ACE: variants seen among roughly 807,000 people sequenced by gnomAD.
The protein encoded by ACE is angiotensin-converting enzyme.
Under a neutral mutation model 162.3 loss-of-function variants are expected in ACE, and 122 were observed. That is an observed-to-expected ratio of 0.75 (90% CI 0.65 to 0.87). The LOEUF (loss-of-function observed/expected upper bound fraction) is 0.87. Among genes scored for constraint, ACE ranks in the 40% least tolerant of loss-of-function variants. The pLI, the probability that ACE is intolerant of heterozygous loss-of-function variation, is 0.00. For missense variants in ACE, 1,799 were observed against 1,735.1 expected, an observed-to-expected ratio of 1.04 and a Z score of -0.65; for synonymous variants, 796 against 720.6, an observed-to-expected ratio of 1.10 and a Z score of -1.68.
At position 63,484,592 on chromosome 17, in the gene ACE, G is replaced by A. The variant is rs372819080; in HGVS notation, c.1921+51G>A. The A allele has an allele frequency of 6.4e-6, 10 of 1,559,502 alleles. No individual in the cohort carries two copies. The African/African-American group carries it at 1.4e-4, about 21-fold the overall frequency. ...GGGGCTAAGGTGGGTCCTCAACTCT[G>A]GGCTTGGCCCAGGCCCCAGGTTCCT... On this transcript the variant is annotated intron_variant, in intron 12 of 24. Transcript: ENST00000290866. This position sits in a 1 kb window ranked among gnomAD's most constrained non-coding sequence, Gnocchi z 4.0.
chr17:63,481,966 A>G (rs1286622576), intron 7 of ACE, among the ~76,000 whole-genome samples: 1 of 152,160 alleles, frequency 6.6e-6, no homozygotes, highest in Non-Finnish European at 1.5e-5. Flanking sequence ...ATGGAGGAAG[A>G]AGGCCCAAGT....
chr17:63,477,556 C>A, intron 1 of ACE: 2 of 341,186 alleles, frequency 5.9e-6, no homozygotes, highest in Non-Finnish European at 9.5e-6. Context: ...ATGAGGGTGG[C>A]TGCTCCCAGG....
rs773535888 is a variant in ACE at position 63,485,339 on chromosome 17, C to T, written c.2025C>T (p.Asn675=). 7.4e-6 allele frequency: 12 copies of T among 1,614,048 alleles called. No homozygotes were observed. Among genetic ancestry groups the T allele is most frequent in the Non-Finnish European group, 1.0e-5 (12 of 1,180,004 alleles). The part of the protein sequence containing the change: ...NEYAEANWNY[N]TNITTETSKI... ...ATGCCGAGGCCAACTGGAACTACAA[C>T]ACCAACATCACCACAGAGACCAGCA... is the stretch of plus-strand genomic sequence containing the variant. The change falls in exon 13 of 25, where the codon AAC becomes AAT. Residue 675 remains asparagine (N), a synonymous_variant. Transcript: ENST00000290866.
intron 21 of ACE, 96 bp downstream of exon 21, chr17:63,494,162 G>C: frequency 6.7e-7 from 1 of 1,494,086 alleles, no homozygotes; most frequent in Non-Finnish European, 9.2e-7. Flanking sequence ...GGGAGTGTGT[G>C]TGTGTGTGTA....
chr17:63,478,228 C>G, intron 2 of ACE, 130 bp downstream of exon 2: 1 of 1,185,534 alleles, frequency 8.4e-7, no homozygotes, highest in Non-Finnish European at 1.2e-6. Context: ...AGGGAAAGCC[C>G]AGGTAAGCAC....
At chr17:63,483,418 G>A (rs1568038740) in intron 9 of ACE, 42 bp from the exon 10 acceptor site, 2 of 1,568,684 alleles carry the variant, frequency 1.3e-6, no homozygotes, top group Non-Finnish European at 1.8e-6. Flanking sequence ...CCATCTGTTT[G>A]CAACCTCTAG....
In ACE at chr17:63,488,785, C is replaced by G; in HGVS notation, c.2443C>G (p.Leu815Val). Reference sequence around the variant, plus strand: ...GGAACTCATCAACCAGGCTGCCCGGCTCAATGGTGAGTCCCTGCTGCCAAC... The same window carrying G: ...GGAACTCATCAACCAGGCTGCCCGGGTCAATGGTGAGTCCCTGCTGCCAAC... The part of the protein sequence containing the change: ...YVELINQAAR[L>V]NGYVDAGDSW... The change falls in exon 16 of 25, where the codon CTC (leucine) becomes GTC (valine). Residue 815 changes from leucine (L) to valine (V), a missense_variant. By Grantham distance (32) the Leu-to-Val change is conservative. Transcript: ENST00000290866. 1 of 1,614,048 alleles carries G rather than the reference C, an allele frequency of 6.2e-7. No individual in the cohort carries two copies. The highest frequency in any genetic ancestry group is 8.5e-7 in the Non-Finnish European group (1 of 1,180,036).
Position 63,481,129 on chromosome 17 carries a change from A to G in ACE, c.886A>G (p.Met296Val), listed in dbSNP as rs1190943736. ...WAQSWENIYD[M>V]VVPFPDKPNL... is the part of the protein sequence containing the mutation. ...CCAGAGCTGGGAAAACATCTACGAC[A>G]TGGTGGTGCCTTTCCCAGACAAGCC... Residue 296 changes from methionine to valine, a missense_variant, in exon 6 of 25, where the codon ATG becomes GTG. Physicochemically the swap from Met to Val is conservative, Grantham distance 21. Transcript: ENST00000290866. 11 of 1,601,880 alleles carry G rather than the reference A, an allele frequency of 6.9e-6. No individual in the cohort carries two copies. The highest frequency in any genetic ancestry group is 1.7e-4 in the Middle Eastern group (1 of 6,004).
intron 3 of ACE, among the ~76,000 whole-genome samples, chr17:63,479,453 C>T (rs2049671512): frequency 6.6e-6 from 1 of 152,210 alleles, no homozygotes; most frequent in South Asian, 2.1e-4. Context: ...CCCGCTCCAG[C>T]CCCCTTTATG....
In ACE at chr17:63,496,912, C is replaced by T. The variant is rs1168139461; in HGVS notation, c.3618C>T (p.Asp1206=). ...AMLSYFKPLL[D]WLRTENELHG... ...TGAGCTACTTCAAGCCGCTGCTGGACTGGCTCCGCACGGAGAACGAGCTGC... is the reference window on the plus strand; with the variant it reads ...TGAGCTACTTCAAGCCGCTGCTGGATTGGCTCCGCACGGAGAACGAGCTGC... Residue 1206 remains aspartate, a synonymous_variant, in exon 24 of 25, where the codon GAC becomes GAT. Transcript: ENST00000290866. The T allele has an allele frequency of 1.2e-6, 2 of 1,613,746 alleles. No homozygotes were observed. The highest frequency in any genetic ancestry group is 2.2e-5 in the East Asian group (1 of 44,886).
Position 63,484,947 on chromosome 17 carries a change from C to G in ACE, c.1922-289C>G. On this transcript the variant is annotated intron_variant, in intron 12 of 24. Transcript: ENST00000290866. This position sits in a 1 kb window ranked among gnomAD's most constrained non-coding sequence, Gnocchi z 4.0. ...TGCTACGGGCACCCTCTGCTGGTCC[C>G]CAGCCAGGAGGCATCCCAACAGGTG... The G allele has an allele frequency of 1.2e-6, 2 of 1,600,300 alleles. No homozygotes were observed. Among genetic ancestry groups the G allele is most frequent in the Non-Finnish European group, 1.7e-6 (2 of 1,173,698 alleles).
chr17:63,480,384 A>G lies in ACE; in HGVS notation c.703A>G (p.Thr235Ala). The change falls in exon 5 of 25, where the codon ACC (threonine) becomes GCC (alanine). Residue 235 changes from threonine to alanine, a missense_variant. Transcript: ENST00000290866. The stretch of plus-strand genomic sequence containing the variant: ...CTGGCGCTCCTGGTACAACTCCCCC[A>G]CCTTCGAGGACGATCTGGAACACCT... The part of the protein sequence containing the change: ...AYWRSWYNSP[T>A]FEDDLEHLYQ... 6.2e-7 allele frequency: 1 copy of G among 1,613,770 alleles called. No homozygotes were observed. The highest frequency in any genetic ancestry group is 8.5e-7 in the Non-Finnish European group (1 of 1,179,956).
Position 63,493,643 on chromosome 17 carries a change from T to C in ACE, c.3120T>C (p.Ser1040=). Residue 1040 remains serine (S), a synonymous_variant, in exon 20 of 25, where the codon AGT becomes AGC. Coordinates refer to ENST00000290866, the MANE Select transcript of ACE (RefSeq NM_000789.4). ...KHLHSLNLLS[S]EGGSDEHDIN... is the part of the protein sequence containing the mutation. ...TGCACAGTCTCAACCTGCTGAGCAG[T>C]GAGGGTGGCAGCGACGGTGAGAGAG... 2 of 1,613,628 alleles carry C rather than the reference T, an allele frequency of 1.2e-6. No individual in the cohort carries two copies. Among genetic ancestry groups the C allele is most frequent in the Non-Finnish European group, 1.7e-6 (2 of 1,179,924 alleles).
At position 63,496,633 on chromosome 17, in the gene ACE, C is replaced by T; in HGVS notation, c.3503+117C>T. The T allele has an allele frequency of 2.5e-6, 4 of 1,596,324 alleles. No individual in the cohort carries two copies. The South Asian group carries it at 3.3e-5, about 13-fold the overall frequency. On this transcript the variant is annotated intron_variant, in intron 23 of 24. Transcript: ENST00000290866. ...CTTGCCATTTTGAGCCGGGAACTCC[C>T]ACCTGCAGCGTGGGCCAGGCCTGAT... is the stretch of plus-strand genomic sequence containing the variant.
Position 63,481,696 on chromosome 17 carries a change from G to C in ACE, c.1076G>C (p.Cys359Ser). The change falls in exon 7 of 25, where the codon TGC (cysteine) becomes TCC (serine). Residue 359 changes from cysteine (C) to serine (S), a missense_variant. Physicochemically the swap from Cys to Ser is moderately radical, Grantham distance 112. Transcript: ENST00000290866. The stretch of plus-strand genomic sequence containing the variant: ...CCGGCCGACGGGCGGGAAGTGGTGT[G>C]CCACGCCTCGGCTTGGGACTTCTAC... ...EKPADGREVVCHASAWDFYNR... is the reference protein window; with the variant it reads ...EKPADGREVVSHASAWDFYNR... 1 of 1,614,194 alleles carries C rather than the reference G, an allele frequency of 6.2e-7. No homozygotes were observed. The highest frequency in any genetic ancestry group is 1.1e-5 in the South Asian group (1 of 91,088).
At position 63,496,960 on chromosome 17, in the gene ACE, G is replaced by A. The variant is rs111576990; in HGVS notation, c.3666G>A (p.Pro1222=). 2.0e-5 allele frequency: 32 copies of A among 1,612,370 alleles called. No homozygotes were observed. The highest frequency in any genetic ancestry group is 1.7e-4 in the African/African-American group (13 of 75,004). The change falls in exon 24 of 25, where the codon CCG becomes CCA. Residue 1222 remains proline, a synonymous_variant. Transcript: ENST00000290866. ...TGCATGGGGAGAAGCTGGGCTGGCC[G>A]CAGTACAACTGGACGCCGAACTCCG... is the stretch of plus-strand genomic sequence containing the variant. ...NELHGEKLGW[P]QYNWTPNSAR...
Position 63,493,462 on chromosome 17 carries a change from T to C in ACE, c.2939T>C (p.Leu980Ser), listed in dbSNP as rs2030516614. ...FRIKQCTTVNLEDLVVAHHEM... is the reference protein window; with the variant it reads ...FRIKQCTTVNSEDLVVAHHEM... Reference sequence around the variant, plus strand: ...ATCAAGCAGTGCACCACCGTGAACTTGGAGGACCTGGTGGTGGCCCACCAC... The same window carrying C: ...ATCAAGCAGTGCACCACCGTGAACTCGGAGGACCTGGTGGTGGCCCACCAC... Residue 980 changes from leucine (L) to serine (S), a missense_variant, in exon 20 of 25, where the codon TTG (leucine) becomes TCG (serine). Physicochemically the swap from Leu to Ser is moderately radical, Grantham distance 145. Coordinates refer to ENST00000290866, the MANE Select transcript of ACE (RefSeq NM_000789.4). The C allele has an allele frequency of 1.2e-6, 2 of 1,613,368 alleles. No individual in the cohort carries two copies. Among genetic ancestry groups the C allele is most frequent in the Non-Finnish European group, 1.7e-6 (2 of 1,179,852 alleles).
At chr17:63,480,182 G>A (rs2049682897) in intron 4 of ACE, among the ~76,000 whole-genome samples, 155 bp from the exon 5 acceptor site, 1 of 152,198 alleles carries the variant, frequency 6.6e-6, no homozygotes, top group Non-Finnish European at 1.5e-5. Context: ...GCTGGCTGTA[G>A]CTAATTAGAA....
At chr17:63,483,369 G>T in intron 9 of ACE, 91 bp from the exon 10 acceptor site, 4 of 1,465,814 alleles carry the variant, frequency 2.7e-6, no homozygotes. Flanking sequence ...GATGGGGAAG[G>T]GTTGCCGGGT....
Sources: gnomAD v4.1 joint callset for allele counts (sites outside exome capture counted in the v4.1 genomes callset) on GRCh38, gnomAD v4.1.1 for gene constraint, Gnocchi (gnomAD v3.1) non-coding constraint, MANE v1.5 for transcripts, NCBI Gene and HGNC (gene_info 2026-07-23, HGNC 2026-07-21) for gene names.